RBFOX1: variants seen among roughly 807,000 people sequenced by gnomAD.
RBFOX1 encodes RNA binding fox-1 homolog 1.
In RBFOX1, 8 loss-of-function variants were observed where a neutral mutation model predicts 57.7. The observed-to-expected ratio is 0.14, with a 90% CI of 0.08 to 0.25. RBFOX1 has a LOEUF of 0.25. Among genes scored for constraint, RBFOX1 ranks in the 10% least tolerant of loss-of-function variants. The pLI, the probability that RBFOX1 is intolerant of heterozygous loss-of-function variation, is 1.00. For synonymous variants in RBFOX1, 326 were observed against 222.4 expected (o/e 1.47, Z -4.15); for missense variants, 611 against 548.5 (o/e 1.11, Z -1.14).
At chr16:7,148,932 C>G (rs139551280) in intron 4 of RBFOX1, among the ~76,000 whole-genome samples, 10 of 152,266 alleles carry the variant, frequency 6.6e-5, no homozygotes, top group East Asian at 5.8e-4. Flanking sequence ...TCAGTTTAGT[C>G]TGATGCATTT....
intron 11 of RBFOX1, among the ~76,000 whole-genome samples, chr16:7,650,271 C>T (rs2064738327): frequency 6.6e-6 from 1 of 151,692 alleles, no homozygotes; most frequent in Admixed American, 6.6e-5. Flanking sequence ...CCAGCCCTTT[C>T]TCCATGAAGC....
chr16:7,043,390 G>C lies in RBFOX1; in HGVS notation c.-15-8667G>C, dbSNP rs996892049. Among the ~76,000 whole-genome samples the C allele has an allele frequency of 4.6e-5, 7 of 152,106 alleles. No homozygotes were observed. In the South Asian group the frequency reaches 1.5e-3, roughly 32 times the overall value. ...ATACACACCCCCTTTCATTAGCACA[G>C]CGCTAGGCAGTTAGTACCCTGAGTA... is the stretch of plus-strand genomic sequence containing the variant. On this transcript the variant is annotated intron_variant, in intron 3 of 15. Coordinates refer to ENST00000550418, the MANE Select transcript of RBFOX1 (RefSeq NM_018723.4).
intron 1 of RBFOX1, among the ~76,000 whole-genome samples, chr16:5,409,912 G>A (rs1274576808): frequency 6.6e-6 from 1 of 152,028 alleles, no homozygotes; most frequent in East Asian, 1.9e-4. Flanking sequence ...GCTGGGCATC[G>A]TGGCGGACAC....
intron 3 of RBFOX1, among the ~76,000 whole-genome samples, chr16:5,814,612 A>C (rs538335133): frequency 6.6e-6 from 1 of 152,188 alleles, no homozygotes; most frequent in Admixed American, 6.5e-5. Flanking sequence ...CCACTTGTCT[A>C]TCCTGCCACC....
intron 4 of RBFOX1, among the ~76,000 whole-genome samples, chr16:5,936,822 C>G (rs2059177694): frequency 6.6e-6 from 1 of 152,138 alleles, no homozygotes; most frequent in Non-Finnish European, 1.5e-5. Flanking sequence ...ACAAGAGCGG[C>G]AAAGCAGAGG....
At chr16:6,147,537 T>A (rs115282577) in intron 1 of RBFOX1, among the ~76,000 whole-genome samples, 3,507 of 151,938 alleles carry the variant, frequency 0.023, 133 homozygotes, top group African/African-American at 0.078. Flanking sequence ...AATTTAAAGG[T>A]CCCCAATAGG....
chr16:5,581,983 A>G (rs2046682711), intron 2 of RBFOX1, among the ~76,000 whole-genome samples: 1 of 152,252 alleles, frequency 6.6e-6, no homozygotes, highest in African/African-American at 2.4e-5. Context: ...TGCACAATGC[A>G]GGATTACATT....
chr16:6,551,351 A>T (rs1007653617), intron 2 of RBFOX1, among the ~76,000 whole-genome samples: 21 of 152,182 alleles, frequency 1.4e-4, no homozygotes, highest in African/African-American at 5.1e-4. Context: ...GGCATCTCAG[A>T]CTAGTTATTC....
At chr16:7,635,523 A>G (rs1265343019) in intron 11 of RBFOX1, among the ~76,000 whole-genome samples, 1 of 148,500 alleles carries the variant, frequency 6.7e-6, no homozygotes, top group Admixed American at 6.8e-5. Context: ...ATCTTTCTAC[A>G]TTTTCTCCGT....
chr16:5,258,805 A>G (rs1015607885), intron 1 of RBFOX1, among the ~76,000 whole-genome samples: 1 of 151,990 alleles, frequency 6.6e-6, no homozygotes, highest in Non-Finnish European at 1.5e-5. Flanking sequence ...AGTCCCACCT[A>G]CTCGGGAGGC....
At chr16:5,867,659 GT>G (rs1460925190) in intron 4 of RBFOX1, among the ~76,000 whole-genome samples, 1 of 152,050 alleles carries the variant, frequency 6.6e-6, no homozygotes, top group East Asian at 1.9e-4. Flanking sequence ...GTATTATATA[GT>G]TTCCCCATTC....
intron 3 of RBFOX1, among the ~76,000 whole-genome samples, chr16:6,862,816 C>G (rs373406009): frequency 6.6e-6 from 1 of 152,012 alleles, no homozygotes; most frequent in Non-Finnish European, 1.5e-5. Context: ...GAAACCTCGT[C>G]TCTACTAAAA....
intron 4 of RBFOX1, among the ~76,000 whole-genome samples, chr16:7,097,610 G>A (rs1031752842): frequency 5.9e-5 from 9 of 152,146 alleles, no homozygotes; most frequent in Non-Finnish European, 1.3e-4. Context: ...AGATGCTGTT[G>A]CCACTCATAA....
chr16:7,653,034 A>G (rs2065421069), intron 11 of RBFOX1, among the ~76,000 whole-genome samples: 1 of 152,226 alleles, frequency 6.6e-6, no homozygotes, highest in South Asian at 2.1e-4. Flanking sequence ...TGTGTATACA[A>G]ATATGTTCAT....
intron 3 of RBFOX1, among the ~76,000 whole-genome samples, chr16:6,682,456 G>C (rs1339589829): frequency 1.3e-5 from 2 of 152,174 alleles, no homozygotes; most frequent in Non-Finnish European, 2.9e-5. Flanking sequence ...TTAGACATTT[G>C]TTAAATATTA....
chr16:6,169,156 T>C lies in RBFOX1; in HGVS notation c.-126-147839T>C, dbSNP rs549294617. Among the ~76,000 whole-genome samples the C allele has an allele frequency of 4.3e-4, 65 of 152,218 alleles. No homozygotes were observed. In the South Asian group the frequency reaches 5.4e-3, roughly 13 times the overall value. The stretch of plus-strand genomic sequence containing the variant: ...GGGGATTGCATTGATCTTGGGGTCA[T>C]TGGAGTAAAGCAAAACATGATCACT... On this transcript the variant is annotated intron_variant, in intron 1 of 15. Transcript: ENST00000550418.
chr16:6,273,895 G>A (rs2075508784), intron 1 of RBFOX1, among the ~76,000 whole-genome samples: 1 of 152,056 alleles, frequency 6.6e-6, no homozygotes, highest in African/African-American at 2.4e-5. Context: ...GACATGAAGA[G>A]ACATTTTACT....
intron 3 of RBFOX1, among the ~76,000 whole-genome samples, chr16:6,675,399 C>A (rs55752547): frequency 0.31 from 46,829 of 151,716 alleles, 8,596 homozygotes; most frequent in South Asian, 0.46. Flanking sequence ...GACTGCAATT[C>A]AGGTGGGCTC....
chr16:5,360,929 C>G (rs1054629839), intron 1 of RBFOX1, among the ~76,000 whole-genome samples: 3 of 152,130 alleles, frequency 2.0e-5, no homozygotes, highest in Admixed American at 6.5e-5. Context: ...GTGGGAGAAG[C>G]CTCCAGTGCC....
Sources: gnomAD v4.1 joint callset for allele counts (sites outside exome capture counted in the v4.1 genomes callset) on GRCh38, gnomAD v4.1.1 for gene constraint, MANE v1.5 for transcripts, NCBI Gene and HGNC (gene_info 2026-07-23, HGNC 2026-07-21) for gene names.